Variants in TRIM8 observed in about 807,000 individuals in gnomAD.
The protein encoded by TRIM8 is E3 ubiquitin-protein ligase TRIM8.
Under a neutral mutation model 55.7 loss-of-function variants are expected in TRIM8, and 9 were observed. The ratio of observed to expected loss-of-function variants is 0.16; its 90% CI spans 0.10 to 0.28. The LOEUF (loss-of-function observed/expected upper bound fraction) is 0.28, where lower values mean the gene tolerates loss of function less well. Among genes scored for constraint, TRIM8 ranks in the 10% least tolerant of loss-of-function variants. The pLI is 1.00. For missense variants in TRIM8, 556 were observed against 736.4 expected, an observed-to-expected ratio of 0.76 and a Z score of 2.83; for synonymous variants, 335 against 333.3, an observed-to-expected ratio of 1.01 and a Z score of -0.06.
Position 102,645,151 on chromosome 10 carries a change from G to A in TRIM8, c.534G>A (p.Ser178=), listed in dbSNP as rs771197276. ...ACAGCGGCGCGCATCAGGGACACTCGGTGTGCGACGTGGAGATCCGAAGGA... is the reference window on the plus strand; with the variant it reads ...ACAGCGGCGCGCATCAGGGACACTCAGTGTGCGACGTGGAGATCCGAAGGA... ...CYYSGAHQGH[S]VCDVEIRRNE... Residue 178 remains serine (S), a synonymous_variant, in exon 1 of 6, where the codon TCG becomes TCA. Coordinates refer to ENST00000643721, the MANE Select transcript of TRIM8 (RefSeq NM_030912.3). 2.6e-6 allele frequency: 4 copies of A among 1,566,488 alleles called. No individual in the cohort carries two copies. The highest frequency in any genetic ancestry group is 1.1e-5 in the South Asian group (1 of 87,242).
chr10:102,648,719 G>A lies in TRIM8; in HGVS notation c.570+3532G>A, dbSNP rs112932580. On this transcript the variant is annotated intron_variant, in intron 1 of 5. Coordinates refer to ENST00000643721, the MANE Select transcript of TRIM8 (RefSeq NM_030912.3). ...AGGCTGGGGCTGCAGCCTGACTCCA[G>A]CAGTGCAAACCTCACTGCTCCCTCT... Among the ~76,000 whole-genome samples, 7 of 152,284 alleles carry A rather than the reference G, an allele frequency of 4.6e-5. 1 individual carries two copies. The highest frequency in any genetic ancestry group is 1.7e-4 in the African/African-American group (7 of 41,558).
rs376179050 is a variant in TRIM8 at position 102,656,648 on chromosome 10, G to T, written c.1049-99G>T. The T allele has an allele frequency of 2.7e-6, 4 of 1,489,294 alleles. No individual in the cohort carries two copies. The Admixed American group carries it at 9.4e-5, about 35-fold the overall frequency. 92.3% of individuals were successfully genotyped at this position (1,489,294 alleles called of 1,614,324 possible). A position where few individuals can be genotyped will look rare whatever the true frequency, so the allele number is the denominator to read the frequency against. On this transcript the variant is annotated intron_variant, in intron 5 of 5. Coordinates refer to ENST00000643721, the MANE Select transcript of TRIM8 (RefSeq NM_030912.3). This position sits in a 1 kb window ranked among gnomAD's most constrained non-coding sequence, Gnocchi z 4.6. ...ATCACCTGAGATGTAACATTCTTGG[G>T]CCTCTAGGTGTCAATGGTCCCCAGG...
In TRIM8 at chr10:102,657,652, T is replaced by A. The variant is rs2064039079; in HGVS notation, c.*298T>A. On this transcript the variant is annotated 3_prime_UTR_variant, in exon 6 of 6. Transcript: ENST00000643721. ...CGCTGAGCTCTCTCTCTGTTTCTCC[T>A]TTTTTCCTCTACTCCTTCCCCTTCA... 1 of 283,632 alleles carries A rather than the reference T, an allele frequency of 3.5e-6. No homozygotes were observed. 17.6% of individuals were successfully genotyped at this position (283,632 alleles called of 1,614,324 possible). A position where few individuals can be genotyped will look rare whatever the true frequency, so the allele number is the denominator to read the frequency against.
chr10:102,647,348 C>T lies in TRIM8; in HGVS notation c.570+2161C>T, dbSNP rs1232693668. Among the ~76,000 whole-genome samples the T allele has an allele frequency of 1.3e-5, 2 of 152,210 alleles. 1 individual carries two copies. The highest frequency in any genetic ancestry group is 2.9e-5 in the Non-Finnish European group (2 of 68,030). ...CAGATGTGCAATTCTGTGCGTTCAGCAGCTGTGCCCTGCAGTGGCAGCCTG... is the reference window on the plus strand; with the variant it reads ...CAGATGTGCAATTCTGTGCGTTCAGTAGCTGTGCCCTGCAGTGGCAGCCTG... On this transcript the variant is annotated intron_variant, in intron 1 of 5. Coordinates refer to ENST00000643721, the MANE Select transcript of TRIM8 (RefSeq NM_030912.3).
Position 102,657,086 on chromosome 10 carries a change from G to A in TRIM8, c.1388G>A (p.Arg463His). ...CCCATGCTCCCCCAGTATGGCGGCC[G>A]CAAGATTCTCGTCTGTTCTGTGGAC... ...QQPMLPQYGG[R>H]KILVCSVDNC... Residue 463 changes from arginine (R) to histidine (H), a missense_variant, in exon 6 of 6, where the codon CGC (arginine) becomes CAC (histidine). By Grantham distance (29) the Arg-to-His change is conservative. This residue lies in a region of TRIM8 where 391 missense variants were observed against 441.0 expected (regional missense o/e 0.89). Transcript: ENST00000643721. 6.2e-7 allele frequency: 1 copy of A among 1,613,574 alleles called. No homozygotes were observed. Among genetic ancestry groups the A allele is most frequent in the Non-Finnish European group, 8.5e-7 (1 of 1,179,992 alleles).
At position 102,656,406 on chromosome 10, in the gene TRIM8, C is replaced by G; in HGVS notation, c.1048+21C>G. 1 of 1,598,792 alleles carries G rather than the reference C, an allele frequency of 6.3e-7. No individual in the cohort carries two copies. On this transcript the variant is annotated intron_variant, in intron 5 of 5. Coordinates refer to ENST00000643721, the MANE Select transcript of TRIM8 (RefSeq NM_030912.3). This position sits in a 1 kb window ranked among gnomAD's most constrained non-coding sequence, Gnocchi z 4.6. The stretch of plus-strand genomic sequence containing the variant: ...AGAAGGTGAGGGTGGGGTGTTCCGC[C>G]GAAGGGAGACAGGGACCTTTGGGGA...
chr10:102,646,190 C>T (rs955022192), intron 1 of TRIM8, among the ~76,000 whole-genome samples: 12 of 152,186 alleles, frequency 7.9e-5, no homozygotes, highest in South Asian at 2.1e-4. Flanking sequence ...GAGGGGGCTC[C>T]TCCTAGGTCC....
chr10:102,649,681 C>T (rs892197007), intron 1 of TRIM8, among the ~76,000 whole-genome samples: 5 of 152,218 alleles, frequency 3.3e-5, no homozygotes, highest in Admixed American at 6.5e-5. Flanking sequence ...TGGGGTCTGC[C>T]GGGCTCGCAT....
rs373467501 is a variant in TRIM8, at chr10:102,656,179, G to A, written c.932+42G>A. The A allele has an allele frequency of 1.2e-6, 2 of 1,614,030 alleles. No homozygotes were observed. The highest frequency in any genetic ancestry group is 2.7e-5 in the African/African-American group (2 of 74,926). On this transcript the variant is annotated intron_variant, in intron 4 of 5. Transcript: ENST00000643721. This position sits in a 1 kb window ranked among gnomAD's most constrained non-coding sequence, Gnocchi z 4.6. The stretch of plus-strand genomic sequence containing the variant: ...AGCCCTCCCGGGGGCACATCCTGGG[G>A]AGGGCAGGGGGGCCAGGCCCATGGC...
chr10:102,645,285 C>T (rs2063924832), intron 1 of TRIM8, 98 bp downstream of exon 1: 1 of 1,319,356 alleles, frequency 7.6e-7, no homozygotes, highest in Non-Finnish European at 9.9e-7. Context: ...CAGGCTGACT[C>T]TTGTGACATC....
rs1460872352 is a variant in TRIM8, at chr10:102,657,100, T to C, written c.1402T>C (p.Cys468Arg). Residue 468 changes from cysteine (C) to arginine (R), a missense_variant, in exon 6 of 6, where the codon TGT (cysteine) becomes CGT (arginine). Around this residue, in one of 2 missense-constraint regions of TRIM8, gnomAD observed 391 missense variants for 441.0 expected, o/e 0.89. Coordinates refer to ENST00000643721, the MANE Select transcript of TRIM8 (RefSeq NM_030912.3). ...PQYGGRKILV[C>R]SVDNCYCSSV... ...GTATGGCGGCCGCAAGATTCTCGTC[T>C]GTTCTGTGGACAACTGTTACTGTTC... The C allele has an allele frequency of 6.2e-7, 1 of 1,613,756 alleles. No individual in the cohort carries two copies. Among genetic ancestry groups the C allele is most frequent in the Non-Finnish European group, 8.5e-7 (1 of 1,180,006 alleles).
chr10:102,649,484 C>A (rs566678845), intron 1 of TRIM8, among the ~76,000 whole-genome samples: 1 of 152,346 alleles, frequency 6.6e-6, no homozygotes, highest in Admixed American at 6.5e-5. Context: ...GCCCCTGCCC[C>A]GGGCCGAGCA....
At chr10:102,649,797 G>C (rs1182107643) in intron 1 of TRIM8, among the ~76,000 whole-genome samples, 1 of 152,192 alleles carries the variant, frequency 6.6e-6, no homozygotes, top group Non-Finnish European at 1.5e-5. Flanking sequence ...ATAGCCCAAG[G>C]CAGTGGCTTG....
At position 102,657,866 on chromosome 10, in the gene TRIM8, A is replaced by C. The variant is rs1351035253; in HGVS notation, c.*512A>C. Reference sequence around the variant, plus strand: ...TGCGACTTTTGTTTTTGTTTTTTTAAATTTTTTTAAACCAAGAATGATTTC... The same window carrying C: ...TGCGACTTTTGTTTTTGTTTTTTTACATTTTTTTAAACCAAGAATGATTTC... On this transcript the variant is annotated 3_prime_UTR_variant, in exon 6 of 6. Coordinates refer to ENST00000643721, the MANE Select transcript of TRIM8 (RefSeq NM_030912.3). 6.6e-6 allele frequency: 1 copy of C among 152,290 alleles called. No homozygotes were observed. The highest frequency in any genetic ancestry group is 2.4e-5 in the African/African-American group (1 of 41,336). 9.4% of individuals were successfully genotyped at this position (152,290 alleles called of 1,614,324 possible).
intron 1 of TRIM8, among the ~76,000 whole-genome samples, chr10:102,652,291 C>T (rs374743563): frequency 2.4e-4 from 36 of 152,248 alleles, no homozygotes; most frequent in African/African-American, 8.4e-4. Context: ...TTTGCCCCTA[C>T]GTAAAATGGG....
Position 102,656,042 on chromosome 10 carries a change from C to A in TRIM8, c.901-64C>A. 1 of 1,609,086 alleles carries A rather than the reference C, an allele frequency of 6.2e-7. No homozygotes were observed. The highest frequency in any genetic ancestry group is 1.1e-5 in the South Asian group (1 of 90,978). ...TCAGGGGGGGCAGCTTTTGTCTTCCCCTCTCCCCGGGCTCTCCCTGGACTG... is the reference window on the plus strand; with the variant it reads ...TCAGGGGGGGCAGCTTTTGTCTTCCACTCTCCCCGGGCTCTCCCTGGACTG... On this transcript the variant is annotated intron_variant, in intron 3 of 5. Coordinates refer to ENST00000643721, the MANE Select transcript of TRIM8 (RefSeq NM_030912.3). The surrounding 1 kb of genome is among the most constrained non-coding windows in gnomAD (Gnocchi z 4.6).
rs201074269 is a variant in TRIM8, at chr10:102,657,399, C to T, written c.*45C>T. 5 of 1,518,854 alleles carry T rather than the reference C, an allele frequency of 3.3e-6. No homozygotes were observed. The highest frequency in any genetic ancestry group is 4.4e-6 in the Non-Finnish European group (5 of 1,133,218). The allele number at this position is 1,518,854 out of a possible 1,614,324, so 94.1% of individuals were successfully genotyped here. A position where few individuals can be genotyped will look rare whatever the true frequency, so the allele number is the denominator to read the frequency against. On this transcript the variant is annotated 3_prime_UTR_variant, in exon 6 of 6. Transcript: ENST00000643721. ...CGCTGGGGAATCTTCCTCCCCAGCCCCCGGGCTCGGGAGTTATGCATCCAG... is the reference window on the plus strand; with the variant it reads ...CGCTGGGGAATCTTCCTCCCCAGCCTCCGGGCTCGGGAGTTATGCATCCAG...
chr10:102,657,205 T>G lies in TRIM8; in HGVS notation c.1507T>G (p.Ser503Ala). The change falls in exon 6 of 6, where the codon TCA (serine) becomes GCA (alanine). Residue 503 changes from serine (S) to alanine (A), a missense_variant. Coordinates refer to ENST00000643721, the MANE Select transcript of TRIM8 (RefSeq NM_030912.3). ...FPWTVPSQEY[S>A]HPLPPTPSVP... ...CTGGACAGTGCCCTCGCAGGAGTACTCACACCCGCTCCCGCCCACACCCTC... is the reference window on the plus strand; with the variant it reads ...CTGGACAGTGCCCTCGCAGGAGTACGCACACCCGCTCCCGCCCACACCCTC... 6.2e-7 allele frequency: 1 copy of G among 1,613,908 alleles called. No homozygotes were observed. Among genetic ancestry groups the G allele is most frequent in the Non-Finnish European group, 8.5e-7 (1 of 1,179,948 alleles).
chr10:102,654,551 C>A (rs779331875), intron 1 of TRIM8, 102 bp from the exon 2 acceptor site: 3 of 941,682 alleles, frequency 3.2e-6, no homozygotes, highest in East Asian at 2.4e-5. Flanking sequence ...TTGGTGCCAT[C>A]GGGTCAAAGG....
Sources: allele counts gnomAD v4.1 joint callset (sites outside exome capture counted in the v4.1 genomes callset), GRCh38; gene constraint gnomAD v4.1.1; regional missense constraint gnomAD v4.1.1; non-coding constraint Gnocchi (gnomAD v3.1); transcripts MANE v1.5; gene names NCBI Gene and HGNC (gene_info 2026-07-23, HGNC 2026-07-21).